POLH: variants seen among roughly 807,000 people sequenced by gnomAD.
POLH encodes the protein DNA polymerase eta.
Under a neutral mutation model 73.6 loss-of-function variants are expected in POLH, and 53 were observed. The ratio of observed to expected loss-of-function variants is 0.72; its 90% confidence interval spans 0.58 to 0.91. The LOEUF is 0.91. Ranked by LOEUF, POLH falls within the 40% of genes least tolerant of loss-of-function variation. The probability of loss-of-function intolerance (pLI) is 0.00; values close to 1 mark genes in which losing one functional copy is unlikely to be tolerated. For missense variants in POLH, 768 were observed against 865.4 expected (o/e 0.89, Z 1.41); for synonymous variants, 292 against 308.5 (o/e 0.95, Z 0.56).
intron 5 of POLH, among the ~76,000 whole-genome samples, chr6:43,600,035 G>A (rs1388398409): frequency 2.0e-5 from 3 of 151,944 alleles, no homozygotes; most frequent in South Asian, 2.1e-4. Context: ...GCTCATGCCT[G>A]TAATCCCAGC....
Position 43,613,987 on chromosome 6 carries a change from A to G in POLH, c.1572A>G (p.Gln524=). ...SKPSLPFQTS[Q]STGTEPFFKQ... ...CCTCATTACCTTTTCAAACCAGTCAAAGTACAGGAACTGAGCCCTTCTTTA... is the reference window on the plus strand; with the variant it reads ...CCTCATTACCTTTTCAAACCAGTCAGAGTACAGGAACTGAGCCCTTCTTTA... Residue 524 remains glutamine (Q), a synonymous_variant, in exon 11 of 11, where the codon CAA becomes CAG. Transcript: ENST00000372236. The G allele has an allele frequency of 6.2e-7, 1 of 1,614,078 alleles. No homozygotes were observed. Among genetic ancestry groups the G allele is most frequent in the Non-Finnish European group, 8.5e-7 (1 of 1,180,036 alleles).
At position 43,617,163 on chromosome 6, in the gene POLH, G is replaced by A. The variant is rs970035308; in HGVS notation, c.*2606G>A. On this transcript the variant is annotated 3_prime_UTR_variant, in exon 11 of 11. Transcript: ENST00000372236. ...CGAGATTTCCACTGCATTCCAGCCT[G>A]GGCGATAGAGTAACTCTGTCTCAAA... Among the ~76,000 whole-genome samples, 4 of 151,880 alleles carry A rather than the reference G, an allele frequency of 2.6e-5. No individual in the cohort carries two copies. Among genetic ancestry groups the A allele is most frequent in the African/African-American group, 9.7e-5 (4 of 41,362 alleles).
intron 5 of POLH, among the ~76,000 whole-genome samples, chr6:43,598,528 G>A (rs111349278): frequency 0.033 from 4,993 of 151,784 alleles, 269 homozygotes; most frequent in African/African-American, 0.11. Context: ...CCAGCTACCC[G>A]GGAGGCTGAG....
intron 9 of POLH, among the ~76,000 whole-genome samples, chr6:43,609,243 T>C (rs768944974): frequency 1.3e-5 from 2 of 152,164 alleles, no homozygotes; most frequent in Non-Finnish European, 2.9e-5. Flanking sequence ...TACTACAACA[T>C]AGGATCCATG....
intron 9 of POLH, among the ~76,000 whole-genome samples, chr6:43,607,760 TG>T (rs1417251886): frequency 6.6e-5 from 10 of 152,200 alleles, no homozygotes; most frequent in African/African-American, 2.4e-4. Flanking sequence ...GGGTGTGAAA[TG>T]GTATCTCATT....
chr6:43,606,277 T>A (rs180931318), intron 9 of POLH, among the ~76,000 whole-genome samples: 2 of 152,142 alleles, frequency 1.3e-5, no homozygotes, highest in Non-Finnish European at 2.9e-5. Context: ...CTACTTTATA[T>A]CCTTTTACTT....
chr6:43,580,997 C>T, intron 1 of POLH, among the ~76,000 whole-genome samples: 1 of 147,556 alleles, frequency 6.8e-6, no homozygotes, highest in Admixed American at 6.6e-5. Flanking sequence ...GGGCTGACCC[C>T]CCCCCACCTC....
At chr6:43,608,195 TGA>T (rs945448210) in intron 9 of POLH, among the ~76,000 whole-genome samples, 3 of 152,208 alleles carry the variant, frequency 2.0e-5, no homozygotes, top group Non-Finnish European at 4.4e-5. Flanking sequence ...TCTTTATTAT[TGA>T]GTTTTAACAT....
intron 5 of POLH, among the ~76,000 whole-genome samples, chr6:43,599,950 G>T (rs751199586): frequency 6.6e-6 from 1 of 151,920 alleles, no homozygotes; most frequent in Non-Finnish European, 1.5e-5. Flanking sequence ...CCTGAGGTTG[G>T]GAGTTCAAGA....
intron 6 of POLH, among the ~76,000 whole-genome samples, chr6:43,601,891 C>G (rs1766776722): frequency 6.6e-6 from 1 of 152,130 alleles, no homozygotes; most frequent in Non-Finnish European, 1.5e-5. Flanking sequence ...AACCCTGTCT[C>G]TACTAAAAAT....
rs374237530 is a variant in POLH, at chr6:43,604,047, A to G, written c.884+36A>G. The G allele has an allele frequency of 2.6e-5, 40 of 1,546,074 alleles. No homozygotes were observed. In the African/African-American group the frequency reaches 4.8e-4, roughly 18 times the overall value. On this transcript the variant is annotated intron_variant, in intron 7 of 10. Coordinates refer to ENST00000372236, the MANE Select transcript of POLH (RefSeq NM_006502.3). ...CATTTTTTTTAAAATCATAACCTTT[A>G]TGGAGATGCTATATTCAAATATAGA...
intron 10 of POLH, among the ~76,000 whole-genome samples, chr6:43,612,436 TCC>T (rs772234746): frequency 1.2e-3 from 178 of 150,358 alleles, no homozygotes; most frequent in Non-Finnish European, 2.1e-3. Context: ...AACCTCTGCC[TCC>T]CGGGTTCAAG....
intron 1 of POLH, among the ~76,000 whole-genome samples, chr6:43,581,307 A>G (rs1481543247): frequency 1.4e-5 from 2 of 146,120 alleles, no homozygotes; most frequent in Non-Finnish European, 1.5e-5. Context: ...GCGGGCGGGC[A>G]GAGACGCTCC....
In POLH at chr6:43,614,335, C is replaced by T. The variant is rs1382258100; in HGVS notation, c.1920C>T (p.Ser640=). ...AAGTGCCCTGTGAGAAGTGTGGCTC[C>T]CTGGTACCGGTATGGGATATGCCAG... The part of the protein sequence containing the change: ...EDQVPCEKCG[S]LVPVWDMPEH... Residue 640 remains serine, a synonymous_variant, in exon 11 of 11, where the codon TCC becomes TCT. Coordinates refer to ENST00000372236, the MANE Select transcript of POLH (RefSeq NM_006502.3). The T allele has an allele frequency of 1.2e-6, 2 of 1,606,514 alleles. No individual in the cohort carries two copies. Among genetic ancestry groups the T allele is most frequent in the African/African-American group, 2.7e-5 (2 of 74,836 alleles).
intron 2 of POLH, among the ~76,000 whole-genome samples, 191 bp downstream of exon 2, chr6:43,582,647 C>G (rs1352744642): frequency 6.6e-6 from 1 of 151,954 alleles, no homozygotes; most frequent in Non-Finnish European, 1.5e-5. Flanking sequence ...TTCAGTCTCC[C>G]AAATAGTTAG....
intron 9 of POLH, among the ~76,000 whole-genome samples, chr6:43,608,086 C>T (rs560920751): frequency 1.9e-4 from 29 of 152,228 alleles, no homozygotes; most frequent in African/African-American, 5.5e-4. Flanking sequence ...GCCGAGATTG[C>T]GCCATTGCAC....
rs1768196257 is a variant in POLH, at chr6:43,614,501, C to T, written c.2086C>T (p.Pro696Ser). The T allele has an allele frequency of 6.2e-7, 1 of 1,614,058 alleles. No individual in the cohort carries two copies. The highest frequency in any genetic ancestry group is 8.5e-7 in the Non-Finnish European group (1 of 1,180,030). ...CCCTTTGGCCTGCACTAATAAACGC[C>T]CCAGGCCTGAGGGCATGCAAACATT... The part of the protein sequence containing the change: ...KSPLACTNKR[P>S]RPEGMQTLES... The change falls in exon 11 of 11, where the codon CCC becomes TCC. Residue 696 changes from proline to serine, a missense_variant. By Grantham distance (74) the Pro-to-Ser change is moderately conservative. Coordinates refer to ENST00000372236, the MANE Select transcript of POLH (RefSeq NM_006502.3).
intron 4 of POLH, among the ~76,000 whole-genome samples, chr6:43,591,872 C>T (rs1444540545): frequency 6.6e-6 from 1 of 152,134 alleles, no homozygotes; most frequent in African/African-American, 2.4e-5. Flanking sequence ...GTTTTTGCTG[C>T]AGAGCATTGT....
At chr6:43,604,557 T>A (rs1767067511) in intron 7 of POLH, 58 bp from the exon 8 acceptor site, 1 of 1,574,528 alleles carries the variant, frequency 6.4e-7, no homozygotes, top group African/African-American at 1.3e-5. Context: ...TATTTGGTTT[T>A]GTTTTAACAA....
Sources: gnomAD v4.1 joint callset for allele counts (sites outside exome capture counted in the v4.1 genomes callset) on GRCh38, gnomAD v4.1.1 for gene constraint, MANE v1.5 for transcripts, NCBI Gene and HGNC (gene_info 2026-07-23, HGNC 2026-07-21) for gene names.